Variants in PTPRO observed in about 807,000 individuals in gnomAD.
PTPRO encodes protein tyrosine phosphatase receptor type O.
In PTPRO, 62 loss-of-function variants were observed where a neutral mutation model predicts 145.2. The observed-to-expected ratio is 0.43, with a 90% CI of 0.35 to 0.53. The LOEUF is 0.53. PTPRO is among the 20% of genes least tolerant of loss of function. PTPRO has a pLI of 0.01. For missense variants in PTPRO, 1,345 were observed against 1,482.7 expected (o/e 0.91, Z 1.53); for synonymous variants, 565 against 514.7 (o/e 1.10, Z -1.32).
At chr12:15,425,156 A>T (rs1453262980) in intron 1 of PTPRO, among the ~76,000 whole-genome samples, 1 of 152,134 alleles carries the variant, frequency 6.6e-6, no homozygotes, top group Admixed American at 6.5e-5. Flanking sequence ...TGTTGTGCTC[A>T]TACTCCCACG....
At chr12:15,427,722 A>C (rs564756298) in intron 1 of PTPRO, among the ~76,000 whole-genome samples, 1 of 151,986 alleles carries the variant, frequency 6.6e-6, no homozygotes, top group African/African-American at 2.4e-5. Context: ...GACCTTCACT[A>C]AAATGTTAAA....
chr12:15,436,575 C>G lies in PTPRO; in HGVS notation c.76-47399C>G, dbSNP rs543669974. Among the ~76,000 whole-genome samples, 73 of 152,230 alleles carry G rather than the reference C, an allele frequency of 4.8e-4. 1 individual carries two copies. Among genetic ancestry groups the G allele is most frequent in the African/African-American group, 1.7e-3 (71 of 41,546 alleles). ...GCCAAGAGAGAGCACTTTGCTTCTCCTAATCCCTGGAGTTAGCTTAGGGAG... is the reference window on the plus strand; with the variant it reads ...GCCAAGAGAGAGCACTTTGCTTCTCGTAATCCCTGGAGTTAGCTTAGGGAG... On this transcript the variant is annotated intron_variant, in intron 1 of 26. Coordinates refer to ENST00000281171, the MANE Select transcript of PTPRO (RefSeq NM_030667.3).
intron 1 of PTPRO, among the ~76,000 whole-genome samples, chr12:15,341,892 C>T (rs918653931): frequency 1.3e-5 from 2 of 152,222 alleles, no homozygotes; most frequent in Non-Finnish European, 2.9e-5. Context: ...GTAAAAATGA[C>T]AATCATAATC....
intron 10 of PTPRO, among the ~76,000 whole-genome samples, chr12:15,522,113 A>G (rs965103494): frequency 4.6e-5 from 7 of 150,826 alleles, no homozygotes; most frequent in Non-Finnish European, 1.5e-5. Context: ...TAATAAATAC[A>G]TAATAATAAA....
chr12:15,560,141 TA>T, intron 16 of PTPRO, 51 bp from the exon 17 acceptor site: 1 of 1,337,840 alleles, frequency 7.5e-7, no homozygotes, highest in Non-Finnish European at 1.1e-6. Flanking sequence ...TTTATATTAC[TA>T]ACTCTTGCAA....
At position 15,484,042 on chromosome 12, in the gene PTPRO, C is replaced by T. The variant is rs755731862; in HGVS notation, c.144C>T (p.Asp48=). ...TCGTTGTCTCATTAGAAGCTTCAGA[C>T]GTCATCAGTCCAGCATCTGTGTATG... ...NNIVVSLEAS[D]VISPASVYVV... is the part of the protein sequence containing the mutation. The change falls in exon 2 of 27, where the codon GAC becomes GAT. Residue 48 remains aspartate (D), a synonymous_variant. Transcript: ENST00000281171. 1.1e-5 allele frequency: 18 copies of T among 1,613,394 alleles called. No homozygotes were observed. Among genetic ancestry groups the T allele is most frequent in the Middle Eastern group, 1.6e-4 (1 of 6,084 alleles).
chr12:15,578,569 G>A lies in PTPRO; in HGVS notation c.2830-284G>A, dbSNP rs763333832. On this transcript the variant is annotated intron_variant, in intron 19 of 26. Transcript: ENST00000281171. ...CTGCCCTATGTGCCTCCTCATTCTCGGACTAGCAGCTTCCCTGGGCATGTC... is the reference window on the plus strand; with the variant it reads ...CTGCCCTATGTGCCTCCTCATTCTCAGACTAGCAGCTTCCCTGGGCATGTC... 3.5e-4 allele frequency among the ~76,000 whole-genome samples: 54 copies of A among 152,164 alleles called. 2 individuals carry two copies. Among genetic ancestry groups the A allele is most frequent in the Admixed American group, 2.4e-3 (37 of 15,278 alleles).
intron 1 of PTPRO, among the ~76,000 whole-genome samples, chr12:15,432,120 A>G (rs537050990): frequency 6.6e-6 from 1 of 152,164 alleles, no homozygotes; most frequent in South Asian, 2.1e-4. Context: ...CCTAGTACCC[A>G]TTTGTTATTT....
At chr12:15,560,305 C>T in intron 17 of PTPRO, 29 bp downstream of exon 17, 2 of 1,475,710 alleles carry the variant, frequency 1.4e-6, no homozygotes, top group Non-Finnish European at 1.9e-6. Context: ...CTGTTTAACA[C>T]AAACTCTTTA....
At chr12:15,352,363 G>A (rs188201685) in intron 1 of PTPRO, among the ~76,000 whole-genome samples, 33 of 152,248 alleles carry the variant, frequency 2.2e-4, no homozygotes, top group African/African-American at 7.2e-4. Flanking sequence ...AAATGGGAAG[G>A]TTTTCAGCCA....
intron 9 of PTPRO, 82 bp from the exon 10 acceptor site, chr12:15,520,119 A>T: frequency 1.1e-6 from 1 of 892,148 alleles, no homozygotes; most frequent in Non-Finnish European, 1.9e-6. Context: ...TTACTTATTA[A>T]TTTTTTATGA....
intron 1 of PTPRO, among the ~76,000 whole-genome samples, chr12:15,449,521 T>C (rs1164138735): frequency 6.6e-6 from 1 of 152,228 alleles, no homozygotes; most frequent in Non-Finnish European, 1.5e-5. Context: ...AGAGATCTAC[T>C]GTACAGTAGG....
chr12:15,353,189 C>T (rs946247100), intron 1 of PTPRO, among the ~76,000 whole-genome samples: 11 of 152,270 alleles, frequency 7.2e-5, no homozygotes, highest in African/African-American at 2.6e-4. Context: ...CATGAAAACA[C>T]ATACACCCAC....
intron 1 of PTPRO, among the ~76,000 whole-genome samples, chr12:15,371,197 T>G (rs1938516905): frequency 6.6e-6 from 1 of 152,056 alleles, no homozygotes; most frequent in Non-Finnish European, 1.5e-5. Flanking sequence ...CAGCAAATAT[T>G]CTTCTAATGT....
At chr12:15,418,847 T>A (rs948654818) in intron 1 of PTPRO, among the ~76,000 whole-genome samples, 1 of 151,750 alleles carries the variant, frequency 6.6e-6, no homozygotes. Context: ...GCCTCTTTTA[T>A]TAAATGATAT....
Position 15,374,084 on chromosome 12 carries a change from C to A in PTPRO, c.75+51283C>A, listed in dbSNP as rs552254980. Reference sequence around the variant, plus strand: ...GATTAGTACAGACATTTGCTAACAACGGCTTTGAAAATGTTTAAACATAAC... The same window carrying A: ...GATTAGTACAGACATTTGCTAACAAAGGCTTTGAAAATGTTTAAACATAAC... On this transcript the variant is annotated intron_variant, in intron 1 of 26. Coordinates refer to ENST00000281171, the MANE Select transcript of PTPRO (RefSeq NM_030667.3). Among the ~76,000 whole-genome samples, 3 of 152,252 alleles carry A rather than the reference C, an allele frequency of 2.0e-5. No individual in the cohort carries two copies. In the East Asian group the frequency reaches 5.8e-4, roughly 29 times the overall value.
intron 25 of PTPRO, among the ~76,000 whole-genome samples, chr12:15,591,197 C>A (rs1379107577): frequency 2.0e-5 from 3 of 151,826 alleles, no homozygotes; most frequent in African/African-American, 4.8e-5. Context: ...GGTGAAACCC[C>A]GTTTCTACTA....
chr12:15,424,113 C>G (rs867895331), intron 1 of PTPRO, among the ~76,000 whole-genome samples: 6 of 152,278 alleles, frequency 3.9e-5, no homozygotes, highest in Middle Eastern at 3.4e-3. Flanking sequence ...ACTGAATATT[C>G]TCAAATAAAT....
intron 24 of PTPRO, among the ~76,000 whole-genome samples, chr12:15,587,848 C>T (rs1268216744): frequency 6.6e-6 from 1 of 152,198 alleles, no homozygotes; most frequent in African/African-American, 2.4e-5. Flanking sequence ...GCATTGGCAG[C>T]CATGCCAACC....
Sources: allele counts gnomAD v4.1 joint callset (sites outside exome capture counted in the v4.1 genomes callset), GRCh38; gene constraint gnomAD v4.1.1; transcripts MANE v1.5; gene names NCBI Gene and HGNC (gene_info 2026-07-23, HGNC 2026-07-21).